The following CYP3A43 variants were observed in gnomAD, a reference collection of about 807,000 sequenced individuals.
CYP3A43 encodes cytochrome P450 family 3 subfamily A member 43, also known as cytochrome P450 3A43.
In CYP3A43, 45 loss-of-function variants were observed where a neutral mutation model predicts 58.0. The observed-to-expected ratio is 0.78, with a 90% CI of 0.61 to 0.99. The LOEUF is 0.99. Ranked by LOEUF, CYP3A43 falls within the 50% of genes least tolerant of loss-of-function variation. The pLI is 0.00. For synonymous variants in CYP3A43, 191 were observed against 201.4 expected (o/e 0.95, Z 0.44); for missense variants, 593 against 591.9 (o/e 1.00, Z -0.02).
chr7:99,831,897 T>C (rs933350409), intron 1 of CYP3A43, among the ~76,000 whole-genome samples: 2 of 152,236 alleles, frequency 1.3e-5, no homozygotes, highest in African/African-American at 4.8e-5. Flanking sequence ...CATAGTGCCA[T>C]TCAGAGAACA....
chr7:99,837,645 T>G (rs746070127), intron 2 of CYP3A43, among the ~76,000 whole-genome samples: 4 of 152,116 alleles, frequency 2.6e-5, no homozygotes, highest in Non-Finnish European at 5.9e-5. Context: ...TGAGTTCTGT[T>G]TTTTTTTAAA....
chr7:99,856,834 A>G lies in CYP3A43; in HGVS notation c.800A>G (p.His267Arg). 2 of 1,613,932 alleles carry G rather than the reference A, an allele frequency of 1.2e-6. No homozygotes were observed. Among genetic ancestry groups the G allele is most frequent in the South Asian group, 1.1e-5 (1 of 91,012 alleles). Residue 267 changes from histidine to arginine, a missense_variant and splice_region_variant, in exon 9 of 13, where the codon CAT (histidine) becomes CGT (arginine). Transcript: ENST00000354829. ...KESRLKDKQK[H>R]RVDFFQQMID... The stretch of plus-strand genomic sequence containing the variant: ...TAAAATTTCTCTTTTTGCTTCCAGC[A>G]TCGAGTAGATTTCTTTCAACAGATG...
Position 99,849,480 on chromosome 7 carries a change from T to C in CYP3A43, c.522-66T>C, listed in dbSNP as rs544348921. On this transcript the variant is annotated intron_variant, in intron 6 of 12. Coordinates refer to ENST00000354829, the MANE Select transcript of CYP3A43 (RefSeq NM_057095.3). ...CTTGCTCTGGCATAGCACTTCTTGC[T>C]GTGTGTATAGCAGAAGGAAGGTAAA... 333 of 1,517,056 alleles carry C rather than the reference T, an allele frequency of 2.2e-4. 3 individuals carry two copies. In the South Asian group the frequency reaches 4.2e-3, roughly 19 times the overall value. 94.0% of individuals were successfully genotyped at this position (1,517,056 alleles called of 1,614,324 possible).
At chr7:99,864,362 A>C (rs922536199) in intron 12 of CYP3A43, among the ~76,000 whole-genome samples, 2 of 148,960 alleles carry the variant, frequency 1.3e-5, no homozygotes, top group Middle Eastern at 3.4e-3. Context: ...TCGCTGCTTC[A>C]TACAAGCTGT....
intron 1 of CYP3A43, among the ~76,000 whole-genome samples, chr7:99,830,681 A>G (rs1816807992): frequency 6.6e-6 from 1 of 151,896 alleles, no homozygotes; most frequent in Non-Finnish European, 1.5e-5. Flanking sequence ...TGTGTCACCC[A>G]CTCCCCATCA....
At chr7:99,863,112 C>T (rs1339067460) in intron 11 of CYP3A43, among the ~76,000 whole-genome samples, 2 of 152,080 alleles carry the variant, frequency 1.3e-5, no homozygotes, top group African/African-American at 4.8e-5. Context: ...TAATGCATCC[C>T]CCTGTGTTCA....
intron 9 of CYP3A43, among the ~76,000 whole-genome samples, chr7:99,857,965 C>G (rs1448574932): frequency 6.6e-6 from 1 of 152,192 alleles, no homozygotes; most frequent in Non-Finnish European, 1.5e-5. Context: ...CATCTATCAT[C>G]TGTCCATCTG....
At chr7:99,860,173 G>T (rs144664242) in intron 10 of CYP3A43, among the ~76,000 whole-genome samples, 183 bp downstream of exon 10, 4 of 152,226 alleles carry the variant, frequency 2.6e-5, no homozygotes, top group Admixed American at 6.5e-5. Flanking sequence ...TGCTTCTTGC[G>T]TAAGTGTAAG....
intron 2 of CYP3A43, among the ~76,000 whole-genome samples, chr7:99,836,873 A>C (rs1316791935): frequency 6.6e-6 from 1 of 152,148 alleles, no homozygotes; most frequent in African/African-American, 2.4e-5. Flanking sequence ...AGTTGTCCTT[A>C]GTATTAAGAG....
At chr7:99,862,302 T>C (rs1363001444) in intron 11 of CYP3A43, among the ~76,000 whole-genome samples, 1 of 152,228 alleles carries the variant, frequency 6.6e-6, no homozygotes, top group African/African-American at 2.4e-5. Flanking sequence ...GTTTAGGACA[T>C]GTTTCCACAT....
intron 1 of CYP3A43, among the ~76,000 whole-genome samples, chr7:99,832,733 AG>A (rs2151587910): frequency 6.6e-6 from 1 of 152,188 alleles, no homozygotes; most frequent in Non-Finnish European, 1.5e-5. Flanking sequence ...AGAAAAAAAA[AG>A]TGTGACACCT....
In CYP3A43 at chr7:99,839,120, G is replaced by C. The variant is rs138160753; in HGVS notation, c.166G>C (p.Gly56Arg). ...AATTGTATTTTGTTTCTTCTGCCAG[G>C]GTCTTTGGAATTTTGACAGAGAATG... is the stretch of plus-strand genomic sequence containing the variant. ...FLGTILFYLR[G>R]LWNFDRECNE... The change falls in exon 3 of 13, where the codon GGT (glycine) becomes CGT (arginine). Residue 56 changes from glycine (G) to arginine (R), a missense_variant and splice_region_variant. Gly to Arg is a moderately radical substitution (Grantham distance 125, BLOSUM62 -2). Coordinates refer to ENST00000354829, the MANE Select transcript of CYP3A43 (RefSeq NM_057095.3). The C allele has an allele frequency of 6.2e-5, 100 of 1,614,138 alleles. No homozygotes were observed. In the African/African-American group the frequency reaches 7.1e-4, roughly 11 times the overall value.
At chr7:99,840,129 T>G (rs1190399325) in intron 3 of CYP3A43, among the ~76,000 whole-genome samples, 2 of 152,222 alleles carry the variant, frequency 1.3e-5, no homozygotes, top group African/African-American at 4.8e-5. Context: ...AGGCTGCTCT[T>G]TGTTAGAAAA....
At chr7:99,830,379 G>T (rs902854649) in intron 1 of CYP3A43, among the ~76,000 whole-genome samples, 2 of 152,160 alleles carry the variant, frequency 1.3e-5, no homozygotes, top group Non-Finnish European at 2.9e-5. Flanking sequence ...TTAGCTGGGT[G>T]TGGTGGCAGG....
intron 1 of CYP3A43, among the ~76,000 whole-genome samples, chr7:99,832,756 CTCTG>C (rs1425795858): frequency 2.0e-5 from 3 of 152,132 alleles, no homozygotes; most frequent in Admixed American, 1.3e-4. Context: ...TTCTCTCTCT[CTCTG>C]TCTTTCTCTC....
At chr7:99,856,941 C>T (rs1359923981) in intron 9 of CYP3A43, 42 bp downstream of exon 9, 1 of 1,582,000 alleles carries the variant, frequency 6.3e-7, no homozygotes, top group Non-Finnish European at 8.6e-7. Context: ...TGGGGACACT[C>T]AGAGAGAAGG....
At chr7:99,831,399 T>C (rs1004672957) in intron 1 of CYP3A43, among the ~76,000 whole-genome samples, 1 of 152,250 alleles carries the variant, frequency 6.6e-6, no homozygotes, top group Non-Finnish European at 1.5e-5. Flanking sequence ...TCCTGAATTT[T>C]GGAAGACCTC....
chr7:99,845,269 A>G (rs1194601338), intron 4 of CYP3A43, among the ~76,000 whole-genome samples: 1 of 151,772 alleles, frequency 6.6e-6, no homozygotes, highest in Non-Finnish European at 1.5e-5. Context: ...CTTTTTCACA[A>G]TTGTCAAAAA....
At chr7:99,850,019 C>G (rs755833018) in intron 7 of CYP3A43, 1 of 437,920 alleles carries the variant, frequency 2.3e-6, no homozygotes, top group Non-Finnish European at 4.4e-6. Flanking sequence ...GTGCATGGTG[C>G]GATCTGGGCT....
Sources: allele counts gnomAD v4.1 joint callset (sites outside exome capture counted in the v4.1 genomes callset), GRCh38; gene constraint gnomAD v4.1.1; transcripts MANE v1.5; gene names NCBI Gene and HGNC (gene_info 2026-07-23, HGNC 2026-07-21).